DLG2: variants seen among roughly 807,000 people sequenced by gnomAD.
The protein encoded by DLG2 is discs large MAGUK scaffold protein 2.
Under a neutral mutation model 132.5 loss-of-function variants are expected in DLG2, and 45 were observed. The observed-to-expected ratio is 0.34, with a 90% confidence interval of 0.27 to 0.44. The LOEUF (loss-of-function observed/expected upper bound fraction) is 0.44, where lower values mean the gene tolerates loss of function less well. Ranked by LOEUF, DLG2 falls within the 20% of genes least tolerant of loss-of-function variation. DLG2 has a pLI of 1.00. For missense variants in DLG2, 1,045 were observed against 1,196.9 expected, an observed-to-expected ratio of 0.87 and a Z score of 1.87; for synonymous variants, 424 against 419.6, an observed-to-expected ratio of 1.01 and a Z score of -0.13.
chr11:84,826,830 C>T (rs1192742146), intron 6 of DLG2, among the ~76,000 whole-genome samples: 1 of 151,840 alleles, frequency 6.6e-6, no homozygotes, highest in East Asian at 2.0e-4. Context: ...CCAGACTAAC[C>T]TTCTCAACAG....
chr11:84,866,530 G>A (rs1330638165), intron 6 of DLG2, among the ~76,000 whole-genome samples: 1 of 152,160 alleles, frequency 6.6e-6, no homozygotes, highest in Non-Finnish European at 1.5e-5. Flanking sequence ...CAGATGCTAG[G>A]TAGAGTCTTG....
chr11:84,343,602 A>C (rs771504030), intron 7 of DLG2, among the ~76,000 whole-genome samples: 5 of 152,188 alleles, frequency 3.3e-5, no homozygotes, highest in Non-Finnish European at 7.3e-5. Flanking sequence ...GAAGTGTTCA[A>C]CAGGGGATGG....
intron 6 of DLG2, among the ~76,000 whole-genome samples, chr11:84,986,115 G>A (rs1447530201): frequency 1.3e-5 from 2 of 150,008 alleles, no homozygotes; most frequent in Non-Finnish European, 1.5e-5. Flanking sequence ...CAAATGAAAT[G>A]AGAGATATTA....
At chr11:84,034,426 G>A (rs538636989) in intron 11 of DLG2, among the ~76,000 whole-genome samples, 1 of 152,042 alleles carries the variant, frequency 6.6e-6, no homozygotes, top group South Asian at 2.1e-4. Flanking sequence ...TCACTTTATT[G>A]CAGTGGTCTA....
intron 6 of DLG2, among the ~76,000 whole-genome samples, chr11:84,795,954 G>A (rs1471941568): frequency 1.3e-5 from 2 of 152,178 alleles, no homozygotes; most frequent in Admixed American, 1.3e-4. Context: ...TTTGCGCAGT[G>A]CCTGGACCCC....
intron 3 of DLG2, among the ~76,000 whole-genome samples, chr11:85,591,918 T>G (rs1322170571): frequency 6.6e-6 from 1 of 152,228 alleles, no homozygotes; most frequent in Non-Finnish European, 1.5e-5. Context: ...TGTGAACGAA[T>G]TAATGTGTAA....
At chr11:85,549,989 T>A (rs962766750) in intron 3 of DLG2, among the ~76,000 whole-genome samples, 2 of 152,114 alleles carry the variant, frequency 1.3e-5, no homozygotes, top group Non-Finnish European at 2.9e-5. Context: ...AAATTAACAA[T>A]AAATATAAGC....
At chr11:83,661,921 T>C (rs978591396) in intron 18 of DLG2, among the ~76,000 whole-genome samples, 15 of 152,272 alleles carry the variant, frequency 9.9e-5, no homozygotes, top group African/African-American at 3.6e-4. Context: ...TGCCCTGACA[T>C]GTTCATCTCT....
At chr11:85,467,942 G>T (rs1396800241) in intron 3 of DLG2, among the ~76,000 whole-genome samples, 1 of 152,076 alleles carries the variant, frequency 6.6e-6, no homozygotes, top group Admixed American at 6.5e-5. Context: ...TCTGGTCCTG[G>T]ACTTTTTTTG....
chr11:84,788,753 T>C (rs952272165), intron 6 of DLG2, among the ~76,000 whole-genome samples: 1 of 152,170 alleles, frequency 6.6e-6, no homozygotes. Context: ...AACATTTTGC[T>C]CTTCAATCAC....
chr11:84,903,444 A>G (rs1347752821), intron 6 of DLG2, among the ~76,000 whole-genome samples: 1 of 152,190 alleles, frequency 6.6e-6, no homozygotes, highest in Non-Finnish European at 1.5e-5. Context: ...GTATGCTTAC[A>G]TCATCATAAT....
intron 7 of DLG2, among the ~76,000 whole-genome samples, chr11:84,373,782 C>G (rs1389305751): frequency 6.6e-6 from 1 of 152,042 alleles, no homozygotes; most frequent in Non-Finnish European, 1.5e-5. Flanking sequence ...TAAAATCCCC[C>G]AAATTCCTTT....
chr11:83,463,643 T>C (rs1326726638), intron 26 of DLG2, among the ~76,000 whole-genome samples: 1 of 151,998 alleles, frequency 6.6e-6, no homozygotes, highest in Non-Finnish European at 1.5e-5. Context: ...ATACAAACAT[T>C]AGCTGGGTAT....
chr11:85,160,717 C>T (rs2077964930), intron 4 of DLG2, among the ~76,000 whole-genome samples: 1 of 152,098 alleles, frequency 6.6e-6, no homozygotes, highest in Non-Finnish European at 1.5e-5. Context: ...TCCACTCCTG[C>T]CACCCTGCCT....
At chr11:83,497,181 G>GCAAAA (rs910658781) in intron 21 of DLG2, among the ~76,000 whole-genome samples, 1 of 152,130 alleles carries the variant, frequency 6.6e-6, no homozygotes, top group Non-Finnish European at 1.5e-5. Context: ...TGTGGGCAAA[G>GCAAAA]CAAAACAAAA....
chr11:83,751,208 G>A (rs572606024), intron 18 of DLG2, among the ~76,000 whole-genome samples: 8 of 152,302 alleles, frequency 5.3e-5, no homozygotes, highest in African/African-American at 1.9e-4. Flanking sequence ...AACATTCTTG[G>A]CTAGAGAACA....
intron 19 of DLG2, among the ~76,000 whole-genome samples, chr11:83,600,267 G>A (rs1040800728): frequency 6.6e-6 from 1 of 151,652 alleles, no homozygotes; most frequent in Non-Finnish European, 1.5e-5. Flanking sequence ...GTGTGTGTGT[G>A]TATGACATTC....
chr11:84,275,632 G>C (rs1055214234), intron 7 of DLG2, among the ~76,000 whole-genome samples: 3 of 152,234 alleles, frequency 2.0e-5, no homozygotes, highest in African/African-American at 4.8e-5. Flanking sequence ...TGGGATTACA[G>C]GCATGAGCCA....
intron 6 of DLG2, among the ~76,000 whole-genome samples, chr11:84,677,217 A>G (rs1313786137): frequency 3.9e-5 from 6 of 152,080 alleles, no homozygotes; most frequent in Non-Finnish European, 5.9e-5. Context: ...AATCTGCCTA[A>G]CTTCCTTTTG....
Sources: gnomAD v4.1 joint callset for allele counts (sites outside exome capture counted in the v4.1 genomes callset) on GRCh38, gnomAD v4.1.1 for gene constraint, MANE v1.5 for transcripts, NCBI Gene and HGNC (gene_info 2026-07-23, HGNC 2026-07-21) for gene names.